The following SFXN5 variants were observed in gnomAD, a reference collection of about 807,000 sequenced individuals.
The protein encoded by SFXN5 is sideroflexin-5.
A neutral mutation model predicts 50.2 loss-of-function variants in SFXN5; 43 were observed. That is an observed-to-expected ratio of 0.86 (90% confidence interval 0.67 to 1.11). The LOEUF is 1.11. Ranked by LOEUF, SFXN5 falls within the 50% of genes least tolerant of loss-of-function variation. The pLI is 0.00. For missense variants in SFXN5, 463 were observed against 454.1 expected (o/e 1.02, Z -0.18); for synonymous variants, 203 against 185.8 (o/e 1.09, Z -0.75).
At chr2:73,059,887 CA>C in intron 1 of SFXN5, 1 of 979,604 alleles carries the variant, frequency 1.0e-6, no homozygotes, top group Non-Finnish European at 1.2e-6. Context: ...GTGTACATAC[CA>C]AGGATATTCA....
chr2:72,987,998 C>T (rs561853885), intron 10 of SFXN5, among the ~76,000 whole-genome samples: 4 of 152,338 alleles, frequency 2.6e-5, no homozygotes, highest in South Asian at 2.1e-4. Flanking sequence ...TCACAGGATC[C>T]GCTGCATTCT....
intron 11 of SFXN5, among the ~76,000 whole-genome samples, chr2:72,969,117 C>G (rs1674846108): frequency 6.6e-6 from 1 of 151,652 alleles, no homozygotes; most frequent in Admixed American, 6.6e-5. Context: ...TTCCAGTGTT[C>G]TTCTTACCAC....
At chr2:72,981,982 T>TGTGTGCGTGTGTGTGC (rs1671361053) in intron 10 of SFXN5, among the ~76,000 whole-genome samples, 1 of 151,622 alleles carries the variant, frequency 6.6e-6, no homozygotes, top group Non-Finnish European at 1.5e-5. Flanking sequence ...TGTGTGTGTG[T>TGTGTGCGTGTGTGTGC]GTGTGTGTGT....
chr2:72,991,945 C>T (rs1672658585), intron 9 of SFXN5, among the ~76,000 whole-genome samples: 1 of 152,182 alleles, frequency 6.6e-6, no homozygotes, highest in South Asian at 2.1e-4. Context: ...AAATAAGCCA[C>T]AAAATAGAAA....
At chr2:72,970,253 G>A (rs1238202542) in intron 11 of SFXN5, among the ~76,000 whole-genome samples, 2 of 152,220 alleles carry the variant, frequency 1.3e-5, no homozygotes, top group Non-Finnish European at 2.9e-5. Flanking sequence ...ATTTCTCCCA[G>A]GAACCTGGGC....
At chr2:72,975,748 T>C (rs1371474394) in intron 10 of SFXN5, among the ~76,000 whole-genome samples, 1 of 152,216 alleles carries the variant, frequency 6.6e-6, no homozygotes. Context: ...GATTCCTAAT[T>C]GTTGCCTAAA....
chr2:73,070,987 A>T (rs1683552394), intron 1 of SFXN5: 2 of 152,294 alleles, frequency 1.3e-5, no homozygotes, highest in Admixed American at 1.3e-4. Context: ...GCGTCAGCGA[A>T]TCCTCAGCCC....
At chr2:72,981,768 C>G (rs1671325579) in intron 10 of SFXN5, among the ~76,000 whole-genome samples, 1 of 152,212 alleles carries the variant, frequency 6.6e-6, no homozygotes, top group African/African-American at 2.4e-5. Flanking sequence ...TCCTCAAAAT[C>G]CACAGCACCA....
Position 73,040,923 on chromosome 2 carries a change from G to C in SFXN5, c.180C>G (p.Leu60=). The stretch of plus-strand genomic sequence containing the variant: ...CCTCCAGCAGCTGCACAGCCTCTCT[G>C]AGACGTCTCTGCAGAAGAAAGAAAA... ...PRTLFVTERR[L]REAVQLLEDY... The change falls in exon 3 of 14, where the codon CTC becomes CTG. Residue 60 remains leucine, a synonymous_variant. Transcript: ENST00000272433. 6.2e-7 allele frequency: 1 copy of C among 1,612,720 alleles called. No individual in the cohort carries two copies. The highest frequency in any genetic ancestry group is 1.1e-5 in the South Asian group (1 of 90,852).
At chr2:73,056,481 T>G (rs1574257516) in intron 2 of SFXN5, among the ~76,000 whole-genome samples, 1 of 150,544 alleles carries the variant, frequency 6.6e-6, no homozygotes. Context: ...AGGTTGAGAG[T>G]TCAAGACCAG....
chr2:73,026,853 C>A (rs1222855279), intron 3 of SFXN5, among the ~76,000 whole-genome samples: 1 of 152,026 alleles, frequency 6.6e-6, no homozygotes, highest in Non-Finnish European at 1.5e-5. Context: ...CTCAGCCTCC[C>A]GAGTAGCTGG....
At chr2:72,988,198 G>A in intron 10 of SFXN5, 60 bp downstream of exon 10, 1 of 1,503,300 alleles carries the variant, frequency 6.7e-7, no homozygotes. Context: ...GTCTCCCTGG[G>A]AGCCCAGCGG....
chr2:73,036,127 C>G (rs183509409), intron 3 of SFXN5, among the ~76,000 whole-genome samples: 4 of 152,338 alleles, frequency 2.6e-5, no homozygotes, highest in African/African-American at 9.6e-5. Context: ...AGACTGAGAA[C>G]AAGAACCACC....
At chr2:72,988,492 C>T (rs1439242620) in intron 9 of SFXN5, 144 bp from the exon 10 acceptor site, 11 of 717,792 alleles carry the variant, frequency 1.5e-5, no homozygotes, top group Non-Finnish European at 2.3e-5. Context: ...TAATCCTCAG[C>T]GTCACCTGAG....
rs1323884137 is a variant in SFXN5 at position 73,023,196 on chromosome 2, T to G, written c.268A>C (p.Ile90Leu). 1 of 1,603,884 alleles carries G rather than the reference T, an allele frequency of 6.2e-7. No homozygotes were observed. Among genetic ancestry groups the G allele is most frequent in the Non-Finnish European group, 8.5e-7 (1 of 1,174,566 alleles). The change falls in exon 4 of 14, where the codon ATC becomes CTC. Residue 90 changes from isoleucine to leucine, a missense_variant. By Grantham distance (5) the Ile-to-Leu change is conservative. Coordinates refer to ENST00000272433, the MANE Select transcript of SFXN5 (RefSeq NM_144579.3). ...ATCCAAAACTGGATTACCTGCTTGA[T>G]TTTCTGTGCACTCCAGAGCTGGAAG... ...TNEQLWSAQK[I>L]KQAILHPDTN... is the part of the protein sequence containing the mutation.
chr2:73,019,922 T>C, intron 6 of SFXN5: 1 of 268,194 alleles, frequency 3.7e-6, no homozygotes. Context: ...CTACTCCTAC[T>C]TCCCAAGTTC....
intron 13 of SFXN5, among the ~76,000 whole-genome samples, chr2:72,954,613 G>A (rs1352671962): frequency 6.6e-6 from 1 of 152,136 alleles, no homozygotes; most frequent in Non-Finnish European, 1.5e-5. Context: ...CCCCAGCCAG[G>A]AAGCACACTA....
At chr2:73,068,346 C>G (rs1683322672) in intron 1 of SFXN5, among the ~76,000 whole-genome samples, 1 of 152,154 alleles carries the variant, frequency 6.6e-6, no homozygotes. Flanking sequence ...CATGCCAGGG[C>G]AGGACACAGA....
chr2:72,996,361 C>T (rs966176948), intron 9 of SFXN5, among the ~76,000 whole-genome samples: 3 of 152,194 alleles, frequency 2.0e-5, no homozygotes, highest in Non-Finnish European at 4.4e-5. Context: ...CCCCCAGTAA[C>T]TCTGTCTTCA....
Sources: allele counts gnomAD v4.1 joint callset (sites outside exome capture counted in the v4.1 genomes callset), GRCh38; gene constraint gnomAD v4.1.1; transcripts MANE v1.5; gene names NCBI Gene and HGNC (gene_info 2026-07-23, HGNC 2026-07-21).